PAXBP1: variants seen among roughly 807,000 people sequenced by gnomAD.
PAXBP1 encodes the protein PAX3 and PAX7 binding protein 1, also known as PAX3- and PAX7-binding protein 1.
PAXBP1 carries 44 observed loss-of-function variants against 119.9 expected under a neutral mutation model. The observed-to-expected ratio is 0.37, with a 90% confidence interval of 0.29 to 0.47. The LOEUF (loss-of-function observed/expected upper bound fraction) is 0.47. Ranked by LOEUF, PAXBP1 falls within the 20% of genes least tolerant of loss-of-function variation. The pLI, the probability that PAXBP1 is intolerant of heterozygous loss-of-function variation, is 0.99. For missense variants in PAXBP1, 898 were observed against 1,134.1 expected, an observed-to-expected ratio of 0.79 and a Z score of 2.99; for synonymous variants, 393 against 406.6, an observed-to-expected ratio of 0.97 and a Z score of 0.40.
chr21:32,771,607 C>T lies in PAXBP1; in HGVS notation c.62G>A (p.Arg21Gln). Residue 21 changes from arginine (R) to glutamine (Q), a missense_variant, in exon 1 of 18, where the codon CGG (arginine) becomes CAG (glutamine). Physicochemically the swap from Arg to Gln is conservative, Grantham distance 43 (BLOSUM62 1). Around this residue, in one of 2 missense-constraint regions of PAXBP1, gnomAD observed 299 missense variants for 281.4 expected, o/e 1.06. Coordinates refer to ENST00000331923, the MANE Select transcript of PAXBP1 (RefSeq NM_016631.4). ...CGGCTCCTGCTCCTCATCGCGTTCC[C>T]GCTCTTCCTCTTCGGAGTCGTTCCG... is the stretch of plus-strand genomic sequence containing the variant. The part of the protein sequence containing the change: ...RKRNDSEEEE[R>Q]ERDEEQEPPP... 2 of 1,468,118 alleles carry T rather than the reference C, an allele frequency of 1.4e-6. No homozygotes were observed. The highest frequency in any genetic ancestry group is 1.8e-6 in the Non-Finnish European group (2 of 1,115,246). 90.9% of individuals were successfully genotyped at this position (1,468,118 alleles called of 1,614,324 possible).
At chr21:32,759,710 A>G (rs2044105340) in intron 6 of PAXBP1, 67 bp downstream of exon 6, 1 of 1,333,462 alleles carries the variant, frequency 7.5e-7, no homozygotes, top group African/African-American at 1.5e-5. Flanking sequence ...CTGCTACCCC[A>G]GACTACATGT....
intron 4 of PAXBP1, among the ~76,000 whole-genome samples, 162 bp from the exon 5 acceptor site, chr21:32,761,324 T>C (rs1173482323): frequency 2.0e-5 from 3 of 152,248 alleles, no homozygotes; most frequent in Non-Finnish European, 4.4e-5. Flanking sequence ...TGACTTTGCC[T>C]GTTTTAAACA....
chr21:32,746,769 T>C (rs1056577012), intron 11 of PAXBP1, among the ~76,000 whole-genome samples: 1 of 152,170 alleles, frequency 6.6e-6, no homozygotes, highest in African/African-American at 2.4e-5. Flanking sequence ...CATTCTATTA[T>C]AAAGCTACAT....
intron 7 of PAXBP1, 87 bp from the exon 8 acceptor site, chr21:32,755,440 A>G: frequency 6.5e-7 from 1 of 1,537,834 alleles, no homozygotes. Flanking sequence ...GATTTCTGAA[A>G]AAGTACCCTC....
In PAXBP1 at chr21:32,744,921, G is replaced by A; in HGVS notation, c.2069-8C>T. On this transcript the variant is annotated splice_region_variant and splice_polypyrimidine_tract_variant and intron_variant, in intron 12 of 17. Transcript: ENST00000331923. ...ACATATTTTCAGCTATCACTATTAA[G>A]AAAAAAAGAGGATTGAGACACAGAA... 6.3e-7 allele frequency: 1 copy of A among 1,592,126 alleles called. No individual in the cohort carries two copies.
At chr21:32,751,291 G>C (rs1325889953) in intron 8 of PAXBP1, 73 bp from the exon 9 acceptor site, 1 of 1,402,848 alleles carries the variant, frequency 7.1e-7, no homozygotes, top group African/African-American at 1.4e-5. Flanking sequence ...CACAGAATAA[G>C]CCATTACGAC....
chr21:32,771,639 C>G lies in PAXBP1; in HGVS notation c.30G>C (p.Val10=). The stretch of plus-strand genomic sequence containing the variant: ...CCTCTTCGGAGTCGTTCCGCTTGCG[C>G]ACGTTCACCCGCCGGGCCTTTCGGA... MFRKARRVN[V]RKRNDSEEEE... The change falls in exon 1 of 18, where the codon GTG becomes GTC. Residue 10 remains valine (V), a synonymous_variant. Coordinates refer to ENST00000331923, the MANE Select transcript of PAXBP1 (RefSeq NM_016631.4). 6.9e-7 allele frequency: 1 copy of G among 1,448,132 alleles called. No individual in the cohort carries two copies. Among genetic ancestry groups the G allele is most frequent in the Non-Finnish European group, 9.1e-7 (1 of 1,103,264 alleles). The allele number at this position is 1,448,132 out of a possible 1,614,324, so 89.7% of individuals were successfully genotyped here.
Position 32,764,448 on chromosome 21 carries a change from A to G in PAXBP1, c.549T>C (p.Gly183=). Reference sequence around the variant, plus strand: ...CACTTTCCATATCCATTTCATCTTCACCATGTTCACTGATGATAACTCCAT... The same window carrying G: ...CACTTTCCATATCCATTTCATCTTCGCCATGTTCACTGATGATAACTCCAT... The part of the protein sequence containing the change: ...QEDGVIISEH[G]EDEMDMESEK... Residue 183 remains glycine (G), a synonymous_variant, in exon 3 of 18, where the codon GGT becomes GGC. Transcript: ENST00000331923. The G allele has an allele frequency of 1.9e-6, 3 of 1,613,822 alleles. No individual in the cohort carries two copies. Among genetic ancestry groups the G allele is most frequent in the Non-Finnish European group, 2.5e-6 (3 of 1,179,848 alleles).
At chr21:32,764,242 A>G (rs1045057896) in intron 3 of PAXBP1, 106 bp downstream of exon 3, 2 of 1,081,196 alleles carry the variant, frequency 1.8e-6, no homozygotes, top group East Asian at 2.7e-5. Flanking sequence ...CAGCAATGTC[A>G]TAATAAGAAA....
intron 16 of PAXBP1, among the ~76,000 whole-genome samples, chr21:32,737,863 A>G (rs1048649653): frequency 3.9e-5 from 6 of 152,220 alleles, no homozygotes; most frequent in Admixed American, 3.3e-4. Context: ...GCCCAGACTG[A>G]GGTTAAGATA....
At position 32,763,865 on chromosome 21, in the gene PAXBP1, TAGTCCCAGCTACTCAGGAGGCTGAGGC is replaced by T. The variant is rs577999844; in HGVS notation, c.649+456_649+482del. Among the ~76,000 whole-genome samples, 48 of 152,114 alleles carry T rather than the reference TAGTCCCAGCTACTCAGGAGGCTGAGGC, an allele frequency of 3.2e-4. 2 individuals are homozygous for T. Among genetic ancestry groups the T allele is most frequent in the Admixed American group, 2.7e-3 (42 of 15,286 alleles). On this transcript the variant is annotated intron_variant, in intron 3 of 17. Coordinates refer to ENST00000331923, the MANE Select transcript of PAXBP1 (RefSeq NM_016631.4). ...GCTGGGTATGGTGGTGCACGCCTGTTAGTCCCAGCTACTCAGGAGGCTGAGGCAGGAGAATCGCTTGAACCTGGGAGG... is the reference window on the plus strand; with the variant it reads ...GCTGGGTATGGTGGTGCACGCCTGTTAGGAGAATCGCTTGAACCTGGGAGG...
chr21:32,756,172 G>A, intron 7 of PAXBP1: 1 of 412,184 alleles, frequency 2.4e-6, no homozygotes, highest in South Asian at 1.8e-5. Context: ...ACTTAAAACA[G>A]AAAACTTTCT....
chr21:32,755,551 C>T (rs538897698), intron 7 of PAXBP1, 198 bp from the exon 8 acceptor site: 7 of 500,454 alleles, frequency 1.4e-5, no homozygotes, highest in African/African-American at 1.2e-4. Context: ...ATGCATAGAG[C>T]TATAATGTCC....
At chr21:32,750,068 T>TA (rs774244174) in intron 10 of PAXBP1, among the ~76,000 whole-genome samples, 29 of 152,112 alleles carry the variant, frequency 1.9e-4, no homozygotes, top group Non-Finnish European at 4.1e-4. Context: ...TCTGTTTTCT[T>TA]ATTGTGCTAA....
chr21:32,749,175 G>A (rs894732453), intron 10 of PAXBP1, among the ~76,000 whole-genome samples: 1 of 151,674 alleles, frequency 6.6e-6, no homozygotes, highest in African/African-American at 2.4e-5. Flanking sequence ...AACTTTAAGT[G>A]AAAAGTTATT....
intron 8 of PAXBP1, among the ~76,000 whole-genome samples, chr21:32,754,525 G>C (rs1318495945): frequency 1.3e-5 from 2 of 152,152 alleles, no homozygotes; most frequent in African/African-American, 4.8e-5. Flanking sequence ...TCCAGTTAAA[G>C]GACCTCCGCT....
At chr21:32,749,577 T>C (rs1325880046) in intron 10 of PAXBP1, among the ~76,000 whole-genome samples, 1 of 152,176 alleles carries the variant, frequency 6.6e-6, no homozygotes, top group Non-Finnish European at 1.5e-5. Flanking sequence ...TGAGAACCTT[T>C]ACTGCAAGAT....
chr21:32,750,288 T>A (rs1168395592), intron 10 of PAXBP1, among the ~76,000 whole-genome samples: 2 of 152,212 alleles, frequency 1.3e-5, no homozygotes, highest in African/African-American at 4.8e-5. Flanking sequence ...GGTGAAATCA[T>A]AAGCATTGTT....
intron 16 of PAXBP1, 191 bp from the exon 17 acceptor site, chr21:32,737,599 T>A (rs1025050773): frequency 1.2e-5 from 5 of 420,124 alleles, no homozygotes; most frequent in Non-Finnish European, 2.1e-5. Flanking sequence ...CCTAAATTTT[T>A]ACCCCAACCA....
Sources: gnomAD v4.1 joint callset for allele counts (sites outside exome capture counted in the v4.1 genomes callset) on GRCh38, gnomAD v4.1.1 for gene constraint, gnomAD v4.1.1 regional missense constraint, MANE v1.5 for transcripts, NCBI Gene and HGNC (gene_info 2026-07-23, HGNC 2026-07-21) for gene names.